The following HCK variants were observed in gnomAD, a reference collection of about 807,000 sequenced individuals.
HCK encodes the protein HCK proto-oncogene, Src family tyrosine kinase, also known as tyrosine-protein kinase HCK.
Under a neutral mutation model 70.4 loss-of-function variants are expected in HCK, and 40 were observed. The ratio of observed to expected loss-of-function variants is 0.57; its 90% CI spans 0.44 to 0.74. HCK has a LOEUF of 0.74. Among genes scored for constraint, HCK ranks in the 30% least tolerant of loss-of-function variants. The pLI, the probability that HCK is intolerant of heterozygous loss-of-function variation, is 0.00. For missense variants in HCK, 568 were observed against 697.2 expected (o/e 0.81, Z 2.09); for synonymous variants, 245 against 263.2 (o/e 0.93, Z 0.67).
At chr20:32,091,415 T>G (rs2045862032) in intron 10 of HCK, among the ~76,000 whole-genome samples, 1 of 152,236 alleles carries the variant, frequency 6.6e-6, no homozygotes, top group Non-Finnish European at 1.5e-5. Context: ...TTTTCTTATC[T>G]GTGGAAATGG....
chr20:32,086,180 T>C (rs1168933732), intron 8 of HCK, among the ~76,000 whole-genome samples: 1 of 152,094 alleles, frequency 6.6e-6, no homozygotes, highest in Non-Finnish European at 1.5e-5. Flanking sequence ...CAACTGCGCC[T>C]GGCTAATTTT....
chr20:32,071,788 T>C lies in HCK; in HGVS notation c.183+6T>C. Reference sequence around the variant, plus strand: ...CCACATCCACCATCAAGCCGGTGAGTAGGGGAGGTCCCAGTTTCCCTGGGG... The same window carrying C: ...CCACATCCACCATCAAGCCGGTGAGCAGGGGAGGTCCCAGTTTCCCTGGGG... On this transcript the variant is annotated splice_donor_region_variant and intron_variant, in intron 2 of 12. Coordinates refer to ENST00000375852, the MANE Select transcript of HCK (RefSeq NM_002110.5). 6.2e-7 allele frequency: 1 copy of C among 1,612,442 alleles called. No homozygotes were observed. Among genetic ancestry groups the C allele is most frequent in the East Asian group, 2.2e-5 (1 of 44,820 alleles).
At chr20:32,098,071 G>A (rs749743665) in intron 11 of HCK, among the ~76,000 whole-genome samples, 7 of 151,270 alleles carry the variant, frequency 4.6e-5, no homozygotes, top group Non-Finnish European at 7.4e-5. Context: ...TTTTTGAGAC[G>A]GAGTCTGACT....
chr20:32,099,258 C>T, intron 12 of HCK, 123 bp downstream of exon 12: 1 of 1,057,976 alleles, frequency 9.5e-7, no homozygotes, highest in Non-Finnish European at 1.4e-6. Context: ...CTCACCTTTC[C>T]TGTCTTAGTT....
At chr20:32,099,247 C>A in intron 12 of HCK, 112 bp downstream of exon 12, 1 of 1,123,878 alleles carries the variant, frequency 8.9e-7, no homozygotes, top group Non-Finnish European at 1.3e-6. Context: ...CCCAACCTTC[C>A]CTCACCTTTC....
chr20:32,053,760 C>T (rs373755730), intron 1 of HCK, among the ~76,000 whole-genome samples: 7 of 151,638 alleles, frequency 4.6e-5, no homozygotes, highest in Non-Finnish European at 8.8e-5. Flanking sequence ...TGTTCTCAGA[C>T]TTTAGCCTAC....
Position 32,101,593 on chromosome 20 carries a change from G to A in HCK, c.*74G>A. 2 of 1,268,530 alleles carry A rather than the reference G, an allele frequency of 1.6e-6. No homozygotes were observed. The highest frequency in any genetic ancestry group is 1.4e-5 in the South Asian group (1 of 73,806). The allele number at this position is 1,268,530 out of a possible 1,614,324, so 78.6% of individuals were successfully genotyped here. ...GGTGGCTCCAGCACCATCCGCCAGG[G>A]CCCACACCCCCTTCCTACTCCCAGA... On this transcript the variant is annotated 3_prime_UTR_variant, in exon 13 of 13. Transcript: ENST00000375852.
intron 5 of HCK, among the ~76,000 whole-genome samples, chr20:32,076,610 A>G (rs559709229): frequency 1.1e-4 from 17 of 152,368 alleles, no homozygotes; most frequent in African/African-American, 3.4e-4. Flanking sequence ...AGACAAAGGC[A>G]AAATAACCTA....
chr20:32,081,036 C>T (rs2045703129), intron 6 of HCK, among the ~76,000 whole-genome samples: 1 of 152,068 alleles, frequency 6.6e-6, no homozygotes, highest in South Asian at 2.1e-4. Context: ...CTGCAGCGAG[C>T]CATAATGGAG....
rs1009134181 is a variant in HCK, at chr20:32,095,796, C to T, written c.1246+1780C>T. Among the ~76,000 whole-genome samples the T allele has an allele frequency of 3.9e-5, 6 of 152,108 alleles. No homozygotes were observed. The East Asian group carries it at 1.2e-3, about 29-fold the overall frequency. On this transcript the variant is annotated intron_variant, in intron 11 of 12. Coordinates refer to ENST00000375852, the MANE Select transcript of HCK (RefSeq NM_002110.5). ...TAAAGCTGTTAAAGAAAGAAACAGG[C>T]AAAATTTATTTATAGCACTAGAGGT...
chr20:32,073,265 C>G, intron 2 of HCK, 54 bp from the exon 3 acceptor site: 1 of 1,491,064 alleles, frequency 6.7e-7, no homozygotes, highest in Non-Finnish European at 9.3e-7. Context: ...AGACCTTCCA[C>G]GGGTCCCCAC....
chr20:32,101,166 T>G, intron 12 of HCK, 151 bp from the exon 13 acceptor site: 1 of 685,706 alleles, frequency 1.5e-6, no homozygotes. Context: ...CAAGTGAAGC[T>G]GAGGGTGGAA....
rs375847090 is a variant in HCK at position 32,073,786 on chromosome 20, C to T, written c.297C>T (p.Phe99=). ...CCATTCACCACGAAGACCTCAGCTT[C>T]CAGAAGGGGGACCAGATGGTGGTCC... The change falls in exon 4 of 13, where the codon TTC becomes TTT. Residue 99 remains phenylalanine (F), a synonymous_variant. Coordinates refer to ENST00000375852, the MANE Select transcript of HCK (RefSeq NM_002110.5). 5.1e-6 allele frequency: 8 copies of T among 1,554,598 alleles called. No homozygotes were observed. The highest frequency in any genetic ancestry group is 7.0e-6 in the Non-Finnish European group (8 of 1,148,194).
rs542318075 is a variant in HCK, at chr20:32,082,787, G to A, written c.533-1107G>A. Among the ~76,000 whole-genome samples, 288 of 152,244 alleles carry A rather than the reference G, an allele frequency of 1.9e-3. 2 individuals are homozygous for A. The highest frequency in any genetic ancestry group is 3.0e-3 in the Non-Finnish European group (203 of 67,994). Reference sequence around the variant, plus strand: ...GCAAAACGGTGGTCATGAGCTGAAAGACTTATGTGTTTCTGCTCTATGTGA... The same window carrying A: ...GCAAAACGGTGGTCATGAGCTGAAAAACTTATGTGTTTCTGCTCTATGTGA... On this transcript the variant is annotated intron_variant, in intron 6 of 12. Transcript: ENST00000375852.
intron 5 of HCK, among the ~76,000 whole-genome samples, chr20:32,075,906 T>C (rs1358388780): frequency 2.0e-5 from 3 of 152,320 alleles, no homozygotes; most frequent in East Asian, 1.9e-4. Flanking sequence ...CAATCAAAAG[T>C]TGACAAATGA....
At chr20:32,080,029 G>GTGGCT (rs2045687187) in intron 6 of HCK, 152 bp downstream of exon 6, 2 of 641,192 alleles carry the variant, frequency 3.1e-6, no homozygotes, top group African/African-American at 3.6e-5. Context: ...GGCCACCTGA[G>GTGGCT]CTGGGGAGGG....
intron 10 of HCK, among the ~76,000 whole-genome samples, chr20:32,093,475 T>C (rs1304579412): frequency 6.9e-6 from 1 of 145,684 alleles, no homozygotes. Flanking sequence ...AAGCTCTTCA[T>C]AGTATCCTAG....
At chr20:32,091,122 G>A (rs570808280) in intron 10 of HCK, among the ~76,000 whole-genome samples, 14 of 152,164 alleles carry the variant, frequency 9.2e-5, no homozygotes, top group Non-Finnish European at 1.8e-4. Flanking sequence ...CAGCTCCAGA[G>A]CCATTTAGCT....
chr20:32,089,553 A>G (rs576303870), intron 10 of HCK, among the ~76,000 whole-genome samples: 3 of 152,350 alleles, frequency 2.0e-5, no homozygotes, highest in Admixed American at 2.0e-4. Flanking sequence ...GGCTGAGTCA[A>G]AAGAGCACAG....
Sources: gnomAD v4.1 joint callset for allele counts (sites outside exome capture counted in the v4.1 genomes callset) on GRCh38, gnomAD v4.1.1 for gene constraint, MANE v1.5 for transcripts, NCBI Gene and HGNC (gene_info 2026-07-23, HGNC 2026-07-21) for gene names.